The following GRIP1 variants were observed in gnomAD, a reference collection of about 807,000 sequenced individuals.
GRIP1 encodes glutamate receptor-interacting protein 1.
A neutral mutation model predicts 129.9 loss-of-function variants in GRIP1; 45 were observed. The observed-to-expected ratio is 0.35, with a 90% CI of 0.27 to 0.44. The LOEUF is 0.44. Among genes scored for constraint, GRIP1 ranks in the 20% least tolerant of loss-of-function variants. The pLI is 1.00. For missense variants in GRIP1, 1,196 were observed against 1,396.8 expected (o/e 0.86, Z 2.29); for synonymous variants, 530 against 520.8 (o/e 1.02, Z -0.24).
rs574007817 is a variant in GRIP1 at position 66,589,628 on chromosome 12, T to C, written c.136+7219A>G. 3.3e-5 allele frequency among the ~76,000 whole-genome samples: 5 copies of C among 152,124 alleles called. No homozygotes were observed. The East Asian group carries it at 5.8e-4, about 18-fold the overall frequency. The stretch of plus-strand genomic sequence containing the variant: ...AAAACATTTATTTATATTAGAAAAA[T>C]ATGATTAGCATATAAAATTACAGAG... On this transcript the variant is annotated intron_variant, in intron 2 of 24. Coordinates refer to ENST00000359742, the MANE Select transcript of GRIP1 (RefSeq NM_001366722.1).
chr12:66,972,981 A>G (rs916174225), intron 1 of GRIP1, among the ~76,000 whole-genome samples: 14 of 152,214 alleles, frequency 9.2e-5, no homozygotes, highest in African/African-American at 2.9e-4. Flanking sequence ...CAATGGCAGT[A>G]TTAATGATAG....
intron 1 of GRIP1, among the ~76,000 whole-genome samples, chr12:66,780,608 A>C (rs1421626715): frequency 1.3e-5 from 2 of 152,128 alleles, no homozygotes; most frequent in South Asian, 2.1e-4. Context: ...GCATCCCACA[A>C]TGTCTCCCAT....
At chr12:66,709,547 A>G (rs534805430) in intron 1 of GRIP1, among the ~76,000 whole-genome samples, 1 of 152,024 alleles carries the variant, frequency 6.6e-6, no homozygotes, top group African/African-American at 2.4e-5. Flanking sequence ...TCATGTTAAC[A>G]GTTTGATGAC....
intron 7 of GRIP1, among the ~76,000 whole-genome samples, chr12:66,487,945 C>T (rs771695018): frequency 5.3e-5 from 8 of 152,098 alleles, no homozygotes; most frequent in South Asian, 4.1e-4. Flanking sequence ...TAAATATATA[C>T]GCACCTAATA....
chr12:66,630,521 A>G (rs1262802087), intron 1 of GRIP1, among the ~76,000 whole-genome samples: 1 of 150,986 alleles, frequency 6.6e-6, no homozygotes, highest in East Asian at 1.9e-4. Context: ...AATGAATCGC[A>G]TTTGCCAGGT....
chr12:66,386,043 T>C (rs989646286), intron 19 of GRIP1, among the ~76,000 whole-genome samples: 2 of 152,234 alleles, frequency 1.3e-5, no homozygotes, highest in African/African-American at 4.8e-5. Flanking sequence ...CTGATATTAA[T>C]GTTTAGTTTT....
At position 66,833,741 on chromosome 12, in the gene GRIP1, G is replaced by A. The variant is rs1158453265; in HGVS notation, c.58+235309C>T. Among the ~76,000 whole-genome samples the A allele has an allele frequency of 2.0e-5, 3 of 152,192 alleles. No homozygotes were observed. The East Asian group carries it at 5.8e-4, about 29-fold the overall frequency. ...TACTGTGTGTAGCCAAGTAAAACAA[G>A]TCACAACATTATTTATCTATCTCTT... On this transcript the variant is annotated intron_variant, in intron 1 of 1. Transcript: ENST00000643019.
intron 1 of GRIP1, among the ~76,000 whole-genome samples, chr12:66,969,327 T>A (rs545664158): frequency 2.0e-4 from 30 of 152,342 alleles, no homozygotes; most frequent in African/African-American, 6.7e-4. Flanking sequence ...TATTTCTCCT[T>A]CTGATCTTCC....
At chr12:66,927,154 C>T (rs2041310272) in intron 1 of GRIP1, among the ~76,000 whole-genome samples, 1 of 152,194 alleles carries the variant, frequency 6.6e-6, no homozygotes, top group African/African-American at 2.4e-5. Context: ...AATTAACTGA[C>T]CTCCTTAGAT....
chr12:66,361,436 A>G (rs2054759740), intron 23 of GRIP1, among the ~76,000 whole-genome samples: 1 of 152,206 alleles, frequency 6.6e-6, no homozygotes, highest in South Asian at 2.1e-4. Context: ...AAAGTTACAC[A>G]GTTTTTAAGA....
At chr12:66,564,639 C>T (rs900470957) in intron 2 of GRIP1, among the ~76,000 whole-genome samples, 10 of 152,188 alleles carry the variant, frequency 6.6e-5, no homozygotes, top group African/African-American at 2.4e-4. Context: ...TGGGTATATA[C>T]CCAGTAATGG....
At chr12:67,027,281 C>G (rs747069653) in intron 1 of GRIP1, among the ~76,000 whole-genome samples, 1 of 152,188 alleles carries the variant, frequency 6.6e-6, no homozygotes, top group African/African-American at 2.4e-5. Context: ...GATGTGGCAC[C>G]CACACTGAGA....
At chr12:66,756,875 T>TAACC (rs1203142197) in intron 1 of GRIP1, among the ~76,000 whole-genome samples, 1 of 152,282 alleles carries the variant, frequency 6.6e-6, no homozygotes, top group East Asian at 1.9e-4. Flanking sequence ...AGACTGCCAC[T>TAACC]AACCATGTGG....
At chr12:66,787,975 T>C (rs2136834743) in intron 1 of GRIP1, among the ~76,000 whole-genome samples, 1 of 152,232 alleles carries the variant, frequency 6.6e-6, no homozygotes, top group East Asian at 1.9e-4. Context: ...TCTGAGTTCA[T>C]ATGATTTAGA....
intron 5 of GRIP1, among the ~76,000 whole-genome samples, chr12:66,525,415 A>G (rs2061192480): frequency 6.6e-6 from 1 of 152,194 alleles, no homozygotes; most frequent in Admixed American, 6.5e-5. Flanking sequence ...TATAAACAGA[A>G]CCAAAGACAA....
chr12:66,896,358 A>G (rs369462802), intron 1 of GRIP1, among the ~76,000 whole-genome samples: 306 of 152,102 alleles, frequency 2.0e-3, no homozygotes, highest in African/African-American at 5.6e-3. Context: ...TAGGAGGAGA[A>G]GGAAGCCAGG....
intron 1 of GRIP1, among the ~76,000 whole-genome samples, chr12:66,899,777 A>C (rs183469990): frequency 1.1e-4 from 16 of 152,290 alleles, no homozygotes; most frequent in African/African-American, 3.8e-4. Context: ...TCCCACAACT[A>C]CTGCAATGAG....
At chr12:66,819,581 C>G (rs544819415) in intron 1 of GRIP1, among the ~76,000 whole-genome samples, 5 of 152,250 alleles carry the variant, frequency 3.3e-5, no homozygotes, top group Admixed American at 3.3e-4. Flanking sequence ...CTACATTAAA[C>G]CACTTTTATA....
intron 1 of GRIP1, among the ~76,000 whole-genome samples, chr12:67,015,400 T>C (rs1377103521): frequency 2.0e-5 from 3 of 152,156 alleles, no homozygotes; most frequent in Non-Finnish European, 4.4e-5. Flanking sequence ...AGGGGTTCTC[T>C]TGACTCTGAG....
Sources: gnomAD v4.1 joint callset for allele counts (sites outside exome capture counted in the v4.1 genomes callset) on GRCh38, gnomAD v4.1.1 for gene constraint, MANE v1.5 for transcripts, NCBI Gene and HGNC (gene_info 2026-07-23, HGNC 2026-07-21) for gene names.